The following RORA variants were observed in gnomAD, a reference collection of about 807,000 sequenced individuals.
RORA encodes the protein RAR related orphan receptor A, also known as nuclear receptor ROR-alpha.
Under a neutral mutation model 69.5 loss-of-function variants are expected in RORA, and 7 were observed. The observed-to-expected ratio is 0.10, with a 90% CI of 0.06 to 0.19. The LOEUF is 0.19. RORA is among the 10% of genes least tolerant of loss of function. The pLI is 1.00. For missense variants in RORA, 457 were observed against 663.0 expected (o/e 0.69, Z 3.41); for synonymous variants, 261 against 240.8 (o/e 1.08, Z -0.78).
chr15:60,727,672 G>A (rs532951138), intron 1 of RORA, among the ~76,000 whole-genome samples: 3 of 151,612 alleles, frequency 2.0e-5, no homozygotes, highest in Admixed American at 2.0e-4. Flanking sequence ...GGTTGTTTGG[G>A]ACTTTAAAAA....
intron 1 of RORA, among the ~76,000 whole-genome samples, chr15:60,722,425 C>T (rs1278631568): frequency 6.6e-6 from 1 of 152,238 alleles, no homozygotes; most frequent in Non-Finnish European, 1.5e-5. Flanking sequence ...TACATATGTA[C>T]AAATAAACAG....
chr15:60,769,582 T>C (rs1361664730), intron 1 of RORA, among the ~76,000 whole-genome samples: 1 of 152,216 alleles, frequency 6.6e-6, no homozygotes, highest in Non-Finnish European at 1.5e-5. Context: ...AGAAGCCTGC[T>C]TAGGTCTCAG....
chr15:60,812,878 G>T (rs892429613), intron 1 of RORA, among the ~76,000 whole-genome samples: 5 of 152,298 alleles, frequency 3.3e-5, no homozygotes, highest in South Asian at 2.1e-4. Flanking sequence ...TCCAGAAGGG[G>T]CATGTCCTAT....
In RORA at chr15:60,641,867, TA is replaced by T. The variant is rs200001621; in HGVS notation, c.196+36789del. Among the ~76,000 whole-genome samples, 664 of 149,274 alleles carry T rather than the reference TA, an allele frequency of 4.4e-3. 2 individuals carry two copies. The highest frequency in any genetic ancestry group is 0.015 in the African/African-American group (617 of 40,826). ...GAGGCACTTCGGGTATCTGCTTTAA[TA>T]AAAAAAAAATAAGGACTTATATTTT... On this transcript the variant is annotated intron_variant, in intron 2 of 10. Transcript: ENST00000335670.
In RORA at chr15:60,543,802, G is replaced by T. The variant is rs189115525; in HGVS notation, c.197-11951C>A. Among the ~76,000 whole-genome samples the T allele has an allele frequency of 1.6e-3, 251 of 152,278 alleles. 1 individual carries two copies. The highest frequency in any genetic ancestry group is 5.5e-3 in the African/African-American group (230 of 41,564). ...ATAGTATTTGGCAGGGGCTGCAGCT[G>T]GAGTTGAGGGAACTATCAGAAGAAT... On this transcript the variant is annotated intron_variant, in intron 2 of 10. Coordinates refer to ENST00000335670, the MANE Select transcript of RORA (RefSeq NM_134261.3).
At chr15:60,865,389 T>C (rs1464943771) in intron 1 of RORA, among the ~76,000 whole-genome samples, 1 of 152,236 alleles carries the variant, frequency 6.6e-6, no homozygotes, top group Non-Finnish European at 1.5e-5. Context: ...CCTGGGCTTA[T>C]TAATATTAAC....
intron 1 of RORA, among the ~76,000 whole-genome samples, chr15:61,143,211 T>C (rs1173135855): frequency 6.6e-6 from 1 of 152,022 alleles, no homozygotes; most frequent in Non-Finnish European, 1.5e-5. Flanking sequence ...AAGAAAGGTA[T>C]CATTTTTAAG....
At chr15:60,925,977 T>C (rs543046284) in intron 1 of RORA, among the ~76,000 whole-genome samples, 185 of 152,342 alleles carry the variant, frequency 1.2e-3, no homozygotes, top group South Asian at 3.7e-3. Context: ...AGGCCATATC[T>C]GGCCTGCATG....
chr15:60,966,361 A>T (rs1436006647), intron 1 of RORA, among the ~76,000 whole-genome samples: 1 of 152,296 alleles, frequency 6.6e-6, no homozygotes, highest in East Asian at 1.9e-4. Flanking sequence ...CTCTCTAGAC[A>T]TGGCTTTCTG....
intron 1 of RORA, among the ~76,000 whole-genome samples, chr15:61,064,664 A>G (rs761379582): frequency 2.0e-5 from 3 of 152,152 alleles, no homozygotes; most frequent in African/African-American, 2.4e-5. Flanking sequence ...CAGATTTACC[A>G]TGGATAGCTT....
At chr15:61,138,676 AG>A (rs987357202) in intron 1 of RORA, among the ~76,000 whole-genome samples, 1 of 152,130 alleles carries the variant, frequency 6.6e-6, no homozygotes, top group African/African-American at 2.4e-5. Flanking sequence ...TTTCCTGCAC[AG>A]TCTAGGCTGC....
intron 1 of RORA, among the ~76,000 whole-genome samples, chr15:61,137,837 C>T (rs1753763459): frequency 6.6e-6 from 1 of 152,192 alleles, no homozygotes; most frequent in Admixed American, 6.5e-5. Flanking sequence ...TCTGACATAA[C>T]TATCACACAA....
At chr15:60,633,323 G>A (rs919841643) in intron 2 of RORA, among the ~76,000 whole-genome samples, 1 of 152,208 alleles carries the variant, frequency 6.6e-6, no homozygotes, top group Non-Finnish European at 1.5e-5. Context: ...TTTAATTTAA[G>A]CATTTTATTT....
At chr15:60,950,075 C>A (rs1052251150) in intron 1 of RORA, among the ~76,000 whole-genome samples, 11 of 151,694 alleles carry the variant, frequency 7.3e-5, no homozygotes, top group African/African-American at 2.4e-4. Context: ...GCCCATCAGA[C>A]TAACAGCGGA....
At chr15:60,622,144 G>A (rs2069428219) in intron 2 of RORA, among the ~76,000 whole-genome samples, 1 of 95,522 alleles carries the variant, frequency 1.0e-5, no homozygotes, top group Non-Finnish European at 2.2e-5. Flanking sequence ...TATACATGGG[G>A]ATGAGAATGA....
At chr15:61,134,458 T>C (rs980324658) in intron 1 of RORA, among the ~76,000 whole-genome samples, 1 of 152,172 alleles carries the variant, frequency 6.6e-6, no homozygotes, top group Non-Finnish European at 1.5e-5. Flanking sequence ...TCATAAACTC[T>C]GCAAGGCAGG....
intron 1 of RORA, among the ~76,000 whole-genome samples, chr15:61,010,966 C>A (rs2140394283): frequency 6.6e-6 from 1 of 152,338 alleles, no homozygotes. Context: ...AAGCACATTT[C>A]AACTACATCA....
At position 60,490,014 on chromosome 15, in the gene RORA, A is replaced by G. The variant is rs1378613321; in HGVS notation, c.*7441T>C. 6.6e-6 allele frequency: 1 copy of G among 152,192 alleles called. No individual in the cohort carries two copies. The highest frequency in any genetic ancestry group is 1.9e-4 in the East Asian group (1 of 5,186). The allele number at this position is 152,192 out of a possible 1,614,324, so 9.4% of individuals were successfully genotyped here. On this transcript the variant is annotated 3_prime_UTR_variant, in exon 11 of 11. Coordinates refer to ENST00000335670, the MANE Select transcript of RORA (RefSeq NM_134261.3). The surrounding 1 kb of genome is among the most constrained non-coding windows in gnomAD (Gnocchi z 4.1). ...ATTTATAAACAAATTCACCCTATAGATGTCAAATATCCATACTAAGGAAGT... is the reference window on the plus strand; with the variant it reads ...ATTTATAAACAAATTCACCCTATAGGTGTCAAATATCCATACTAAGGAAGT...
At chr15:60,825,739 T>G (rs2072947387) in intron 1 of RORA, among the ~76,000 whole-genome samples, 4 of 152,170 alleles carry the variant, frequency 2.6e-5, no homozygotes. Context: ...CATACAGGAA[T>G]TGGGTTAGCT....
Sources: gnomAD v4.1 joint callset for allele counts (sites outside exome capture counted in the v4.1 genomes callset) on GRCh38, gnomAD v4.1.1 for gene constraint, Gnocchi (gnomAD v3.1) non-coding constraint, MANE v1.5 for transcripts, NCBI Gene and HGNC (gene_info 2026-07-23, HGNC 2026-07-21) for gene names.